ATG4A: variants seen among roughly 807,000 people sequenced by gnomAD.
The protein encoded by ATG4A is autophagy related 4A cysteine peptidase.
Under a neutral mutation model 38.4 loss-of-function variants are expected in ATG4A, and 22 were observed. The observed-to-expected ratio is 0.57, with a 90% CI of 0.41 to 0.82. The LOEUF is 0.82. ATG4A is among the 40% of genes least tolerant of loss of function. ATG4A has a pLI of 0.00. For missense variants in ATG4A, 220 were observed against 290.0 expected, an observed-to-expected ratio of 0.76 and a Z score of 1.75; for synonymous variants, 86 against 100.7, an observed-to-expected ratio of 0.85 and a Z score of 0.88.
intron 1 of ATG4A, among the ~76,000 whole-genome samples, chrX:108,118,380 A>C (rs973295860): frequency 1.8e-5 from 2 of 111,039 alleles, no homozygotes; most frequent in South Asian, 3.8e-4. Flanking sequence ...CTGGATGAAG[A>C]GTAATATTAA....
intron 1 of ATG4A, among the ~76,000 whole-genome samples, chrX:108,119,354 T>G (rs2032589825): frequency 8.9e-6 from 1 of 112,015 alleles, no homozygotes; most frequent in Non-Finnish European, 1.9e-5. Context: ...TAGTGGCTAC[T>G]GTATTGGACA....
intron 1 of ATG4A, among the ~76,000 whole-genome samples, chrX:108,103,306 A>G (rs1236857183): frequency 9.0e-6 from 1 of 111,645 alleles, no homozygotes; most frequent in Non-Finnish European, 1.9e-5. Flanking sequence ...TATGTGTGCT[A>G]GCACCATTTG....
chrX:108,111,287 G>T (rs142561012), intron 1 of ATG4A, among the ~76,000 whole-genome samples: 2 of 112,102 alleles, frequency 1.8e-5, no homozygotes, highest in Non-Finnish European at 3.8e-5. Context: ...ATAATTTCAG[G>T]TTACAGAACT....
chrX:108,136,469 T>C (rs1213131689), intron 6 of ATG4A, among the ~76,000 whole-genome samples: 1 of 111,700 alleles, frequency 9.0e-6, no homozygotes, highest in Non-Finnish European at 1.9e-5. Context: ...GCATGGTGGC[T>C]CTCTTCAGCT....
intron 6 of ATG4A, among the ~76,000 whole-genome samples, chrX:108,136,227 A>G (rs2033103752): frequency 9.0e-6 from 1 of 111,347 alleles, no homozygotes; most frequent in South Asian, 3.9e-4. Context: ...GGGTGATGGT[A>G]GTTAACCTCT....
upstream of ATG4A, among the ~76,000 whole-genome samples, chrX:108,089,262 G>A (rs1451228695): frequency 9.0e-6 from 1 of 111,392 alleles, no homozygotes; most frequent in Admixed American, 9.5e-5. Flanking sequence ...TTCAGATGAG[G>A]AAACTAAAAC....
chrX:108,098,527 G>T (rs926404469), intron 1 of ATG4A, among the ~76,000 whole-genome samples: 2 of 111,168 alleles, frequency 1.8e-5, no homozygotes, highest in Non-Finnish European at 3.8e-5. Flanking sequence ...AATGATACGT[G>T]TGTATAATTC....
upstream of ATG4A, among the ~76,000 whole-genome samples, chrX:108,089,142 T>C (rs1299484317): frequency 8.9e-6 from 1 of 112,619 alleles, no homozygotes; most frequent in East Asian, 2.8e-4. Context: ...TTTGGTTGTT[T>C]TACTATTACA....
At chrX:108,153,166 AT>A (rs2033630129) in intron 12 of ATG4A, 79 bp downstream of exon 12, 1 of 742,946 alleles carries the variant, frequency 1.3e-6, no homozygotes. Context: ...ATTGTGGCCC[AT>A]GCTTTCTGTG....
At chrX:108,137,762 A>G (rs775506252) in intron 7 of ATG4A, 42 bp from the exon 8 acceptor site, 1 of 1,098,987 alleles carries the variant, frequency 9.1e-7, no homozygotes, top group South Asian at 2.3e-5. Flanking sequence ...TCTAGGGCTG[A>G]AGACTCCTTA....
At chrX:108,102,763 A>G (rs1445122413) in intron 1 of ATG4A, among the ~76,000 whole-genome samples, 1 of 109,487 alleles carries the variant, frequency 9.1e-6, no homozygotes, top group East Asian at 2.8e-4. Context: ...GCATGTGGGT[A>G]TAAAGTTTTA....
At chrX:108,141,396 T>A (rs901739702) in intron 9 of ATG4A, among the ~76,000 whole-genome samples, 7 of 110,209 alleles carry the variant, frequency 6.4e-5, no homozygotes, top group Non-Finnish European at 1.3e-4. Context: ...AGGTAGAGAC[T>A]GTTATTTCTG....
At position 108,135,924 on chromosome X, in the gene ATG4A, C is replaced by A. The variant is rs781491556; in HGVS notation, c.468-1167C>A. On this transcript the variant is annotated intron_variant, in intron 6 of 12. Transcript: ENST00000372232. ...TCAGCCTCCCGAGTAGCTGGGATTA[C>A]AGGTGGCTGCTACCACACCCAGCTA... 2.7e-5 allele frequency among the ~76,000 whole-genome samples: 3 copies of A among 109,444 alleles called. No individual in the cohort carries two copies. In the East Asian group the frequency reaches 8.6e-4, roughly 31 times the overall value.
At chrX:108,150,416 A>G in intron 10 of ATG4A, 119 bp downstream of exon 10, 1 of 966,588 alleles carries the variant, frequency 1.0e-6, no homozygotes, top group Non-Finnish European at 1.4e-6. Flanking sequence ...TCCCCATTAG[A>G]GGCAGTAGAG....
intron 2 of ATG4A, 77 bp downstream of exon 2, chrX:108,126,264 C>A: frequency 2.8e-6 from 2 of 707,526 alleles, no homozygotes; most frequent in Admixed American, 5.2e-5. Flanking sequence ...ACTTTTTCTT[C>A]TTGGGTTGGC....
intron 1 of ATG4A, among the ~76,000 whole-genome samples, chrX:108,095,711 C>CTTT (rs556952760): frequency 1.2e-5 from 1 of 82,377 alleles, no homozygotes. Context: ...TCTTTTCTTT[C>CTTT]TTTTTTTTTT....
intron 10 of ATG4A, among the ~76,000 whole-genome samples, chrX:108,150,879 C>T (rs957464077): frequency 8.9e-6 from 1 of 112,300 alleles, no homozygotes; most frequent in African/African-American, 3.2e-5. Flanking sequence ...GGAGGAGTCA[C>T]TTAATCTTTC....
intron 1 of ATG4A, among the ~76,000 whole-genome samples, chrX:108,107,923 C>T (rs1489025784): frequency 1.8e-5 from 2 of 111,101 alleles, no homozygotes; most frequent in Non-Finnish European, 3.8e-5. Flanking sequence ...GATCTCCATT[C>T]GGTCATTTCT....
intron 7 of ATG4A, among the ~76,000 whole-genome samples, chrX:108,137,520 G>T (rs1288464253): frequency 8.9e-6 from 1 of 112,221 alleles, no homozygotes; most frequent in Non-Finnish European, 1.9e-5. Flanking sequence ...TACAGTCCCT[G>T]TCTCAAAGGC....
Sources: allele counts gnomAD v4.1 joint callset (sites outside exome capture counted in the v4.1 genomes callset), GRCh38; gene constraint gnomAD v4.1.1; transcripts MANE v1.5; gene names NCBI Gene and HGNC (gene_info 2026-07-23, HGNC 2026-07-21).